GLIS1: variants seen among roughly 807,000 people sequenced by gnomAD.
GLIS1 encodes the protein zinc finger protein GLIS1.
GLIS1 carries 24 observed loss-of-function variants against 63.8 expected under a neutral mutation model. That is an observed-to-expected ratio of 0.38 (90% confidence interval 0.27 to 0.53). The LOEUF is 0.53. Among genes scored for constraint, GLIS1 ranks in the 20% least tolerant of loss-of-function variants. GLIS1 has a pLI of 0.85. For missense variants in GLIS1, 1,036 were observed against 1,074.1 expected (o/e 0.96, Z 0.50); for synonymous variants, 450 against 482.5 (o/e 0.93, Z 0.88).
At chr1:53,608,211 C>T (rs921475854) in intron 2 of GLIS1, among the ~76,000 whole-genome samples, 4 of 152,188 alleles carry the variant, frequency 2.6e-5, no homozygotes, top group African/African-American at 9.6e-5. Context: ...AATCCTTCTG[C>T]CTTGGCCTCC....
At chr1:53,591,249 C>G (rs1645190571) in intron 4 of GLIS1, among the ~76,000 whole-genome samples, 1 of 152,192 alleles carries the variant, frequency 6.6e-6, no homozygotes, top group African/African-American at 2.4e-5. Flanking sequence ...ACCCCTTCCC[C>G]TGGGTTACCC....
rs372990645 is a variant in GLIS1, at chr1:53,652,420, C to T, written c.260-52142G>A. Reference sequence around the variant, plus strand: ...CCACCTGCCATACCTGAAGGCATGCCCTCATCTGCTGGCCACTCCAGACAC... The same window carrying T: ...CCACCTGCCATACCTGAAGGCATGCTCTCATCTGCTGGCCACTCCAGACAC... On this transcript the variant is annotated intron_variant, in intron 2 of 10. Coordinates refer to ENST00000628545, the MANE Select transcript of GLIS1 (RefSeq NM_001367484.1). Among the ~76,000 whole-genome samples the T allele has an allele frequency of 5.3e-5, 8 of 152,196 alleles. 1 individual carries two copies. The South Asian group carries it at 1.2e-3, about 24-fold the overall frequency.
At chr1:53,561,780 G>T (rs1380623824) in intron 4 of GLIS1, among the ~76,000 whole-genome samples, 1 of 152,238 alleles carries the variant, frequency 6.6e-6, no homozygotes, top group Non-Finnish European at 1.5e-5. Flanking sequence ...GCCCATGGGA[G>T]CCAAGGTGCT....
At chr1:53,698,476 G>A (rs989534217) in intron 2 of GLIS1, among the ~76,000 whole-genome samples, 9 of 152,214 alleles carry the variant, frequency 5.9e-5, no homozygotes, top group African/African-American at 1.9e-4. Flanking sequence ...AGGAAGACTG[G>A]CTGCCCTGCC....
At chr1:53,628,251 C>T (rs979764656) in intron 2 of GLIS1, among the ~76,000 whole-genome samples, 2 of 152,118 alleles carry the variant, frequency 1.3e-5, no homozygotes, top group African/African-American at 4.8e-5. Flanking sequence ...ATAGTGTGCC[C>T]CAGATGACAG....
At chr1:53,638,667 A>C (rs1645753154) in intron 2 of GLIS1, among the ~76,000 whole-genome samples, 1 of 152,192 alleles carries the variant, frequency 6.6e-6, no homozygotes, top group African/African-American at 2.4e-5. Context: ...TCCCAACTGC[A>C]CATCCCGTGA....
intron 2 of GLIS1, among the ~76,000 whole-genome samples, chr1:53,687,509 G>A (rs939775556): frequency 3.9e-5 from 6 of 152,158 alleles, no homozygotes; most frequent in African/African-American, 7.2e-5. Flanking sequence ...TGGAAGACCC[G>A]AGTACATCCC....
At chr1:53,620,721 G>C (rs1343378519) in intron 2 of GLIS1, among the ~76,000 whole-genome samples, 6 of 152,208 alleles carry the variant, frequency 3.9e-5, no homozygotes, top group African/African-American at 1.4e-4. Flanking sequence ...CCCACTTTCA[G>C]GGAGAAGAAC....
intron 2 of GLIS1, among the ~76,000 whole-genome samples, chr1:53,614,365 G>A (rs1214864072): frequency 6.6e-6 from 1 of 152,130 alleles, no homozygotes; most frequent in Non-Finnish European, 1.5e-5. Context: ...AGGGGAGGGA[G>A]GGCATGCCAG....
chr1:53,690,555 C>T (rs1403576586), intron 2 of GLIS1, among the ~76,000 whole-genome samples: 1 of 152,270 alleles, frequency 6.6e-6, no homozygotes, highest in Non-Finnish European at 1.5e-5. Flanking sequence ...CATGACAGAA[C>T]AAGCAGGACG....
chr1:53,534,117 G>A (rs889931237), intron 4 of GLIS1, among the ~76,000 whole-genome samples: 1 of 152,034 alleles, frequency 6.6e-6, no homozygotes, highest in South Asian at 2.1e-4. Context: ...CATAGGCTGT[G>A]TAGGGCTGGG....
At chr1:53,512,932 G>A (rs1448844511) in intron 8 of GLIS1, among the ~76,000 whole-genome samples, 1 of 152,184 alleles carries the variant, frequency 6.6e-6, no homozygotes, top group Non-Finnish European at 1.5e-5. Flanking sequence ...GCCTGTGCCA[G>A]GTGAGGCACA....
intron 4 of GLIS1, among the ~76,000 whole-genome samples, chr1:53,535,989 C>A (rs1013038413): frequency 4.6e-5 from 7 of 152,106 alleles, no homozygotes; most frequent in Admixed American, 1.3e-4. Flanking sequence ...GCAAAGCTGG[C>A]CTCCACGCTT....
intron 4 of GLIS1, among the ~76,000 whole-genome samples, chr1:53,588,485 T>C (rs1645158010): frequency 6.6e-6 from 1 of 152,224 alleles, no homozygotes; most frequent in African/African-American, 2.4e-5. Context: ...CCTGGGCCCC[T>C]GACCACCCTC....
intron 2 of GLIS1, among the ~76,000 whole-genome samples, chr1:53,690,612 C>T (rs751217375): frequency 2.6e-5 from 4 of 152,184 alleles, no homozygotes; most frequent in African/African-American, 4.8e-5. Context: ...ATGCCAGGGC[C>T]GTCTCTCTTT....
intron 4 of GLIS1, among the ~76,000 whole-genome samples, chr1:53,568,844 T>C (rs571777064): frequency 3.9e-4 from 60 of 152,320 alleles, no homozygotes; most frequent in African/African-American, 1.4e-3. Flanking sequence ...TGTGAGTCAA[T>C]TAAACCTCTT....
chr1:53,547,284 C>T lies in GLIS1; in HGVS notation c.1321-17332G>A, dbSNP rs568079641. ...ACACAGAGACAGAGAGCCAGGGCTC[C>T]AGACTCCCAGCCCAGTGCCCTCTGA... On this transcript the variant is annotated intron_variant, in intron 4 of 10. Transcript: ENST00000628545. 2.6e-5 allele frequency among the ~76,000 whole-genome samples: 4 copies of T among 152,358 alleles called. No homozygotes were observed. The South Asian group carries it at 8.3e-4, about 32-fold the overall frequency.
At chr1:53,650,603 A>T (rs1166913660) in intron 2 of GLIS1, among the ~76,000 whole-genome samples, 2 of 152,016 alleles carry the variant, frequency 1.3e-5, no homozygotes, top group Non-Finnish European at 2.9e-5. Flanking sequence ...AAAAAAAAAA[A>T]AAAAGACCAC....
At chr1:53,587,241 T>A (rs1440868312) in intron 4 of GLIS1, among the ~76,000 whole-genome samples, 1 of 152,172 alleles carries the variant, frequency 6.6e-6, no homozygotes, top group African/African-American at 2.4e-5. Flanking sequence ...CCGGATGACA[T>A]GAGGCCATGG....
Sources: gnomAD v4.1 joint callset for allele counts (sites outside exome capture counted in the v4.1 genomes callset) on GRCh38, gnomAD v4.1.1 for gene constraint, MANE v1.5 for transcripts, NCBI Gene and HGNC (gene_info 2026-07-23, HGNC 2026-07-21) for gene names.